Variants in C9orf43 observed in about 807,000 individuals in gnomAD.
The protein encoded by C9orf43 is chromosome 9 open reading frame 43, also known as uncharacterized protein C9orf43.
C9orf43 carries 45 observed loss-of-function variants against 59.1 expected under a neutral mutation model. The observed-to-expected ratio is 0.76, with a 90% CI of 0.60 to 0.98. C9orf43 has a LOEUF of 0.98. Among genes scored for constraint, C9orf43 ranks in the 50% least tolerant of loss-of-function variants. C9orf43 has a pLI of 0.00. For synonymous variants in C9orf43, 203 were observed against 196.8 expected (o/e 1.03, Z -0.26); for missense variants, 533 against 554.9 (o/e 0.96, Z 0.40).
In C9orf43 at chr9:113,422,837, G is replaced by T. The variant is rs112294212; in HGVS notation, c.483+252G>T. Reference sequence around the variant, plus strand: ...AGGAACTGTTGCGTGTTCAGGGGGGGAGTTTTTGGTCAATTAAAAACGAAT... The same window carrying T: ...AGGAACTGTTGCGTGTTCAGGGGGGTAGTTTTTGGTCAATTAAAAACGAAT... On this transcript the variant is annotated intron_variant, in intron 6 of 13. Transcript: ENST00000374165. 0.04 allele frequency among the ~76,000 whole-genome samples: 6,076 copies of T among 152,166 alleles called. 153 individuals carry two copies. The highest frequency in any genetic ancestry group is 0.085 in the South Asian group (410 of 4,804).
At chr9:113,427,332 C>T (rs1017260427) in intron 11 of C9orf43, among the ~76,000 whole-genome samples, 18 of 152,232 alleles carry the variant, frequency 1.2e-4, no homozygotes, top group Admixed American at 3.3e-4. Flanking sequence ...TGCACCACCA[C>T]GCCTGGCTAA....
At chr9:113,425,184 A>G in intron 9 of C9orf43, 108 bp downstream of exon 9, 2 of 1,443,304 alleles carry the variant, frequency 1.4e-6, no homozygotes, top group South Asian at 1.2e-5. Flanking sequence ...ACAGTCATAC[A>G]GGGTCACATG....
chr9:113,420,353 A>G (rs1050771739), intron 4 of C9orf43, among the ~76,000 whole-genome samples: 1 of 152,226 alleles, frequency 6.6e-6, no homozygotes, highest in Non-Finnish European at 1.5e-5. Context: ...TCTGTCTACC[A>G]AAGTGCATGA....
chr9:113,417,009 C>A (rs1177282933), intron 3 of C9orf43, among the ~76,000 whole-genome samples: 1 of 152,196 alleles, frequency 6.6e-6, no homozygotes. Context: ...TTTCCTTACA[C>A]CCTCATTGTC....
At chr9:113,424,831 C>T (rs1397312719) in intron 8 of C9orf43, among the ~76,000 whole-genome samples, 188 bp from the exon 9 acceptor site, 1 of 152,072 alleles carries the variant, frequency 6.6e-6, no homozygotes, top group Non-Finnish European at 1.5e-5. Context: ...TGGCCATGTT[C>T]TCTATTTCTT....
intron 10 of C9orf43, 32 bp downstream of exon 10, chr9:113,425,452 G>T (rs1429283283): frequency 6.3e-7 from 1 of 1,598,380 alleles, no homozygotes; most frequent in African/African-American, 1.3e-5. Flanking sequence ...TGCTGGGACT[G>T]GGAGAGGTCT....
chr9:113,425,483 A>T, intron 10 of C9orf43, 63 bp downstream of exon 10: 4 of 1,557,448 alleles, frequency 2.6e-6, no homozygotes, highest in Admixed American at 1.9e-5. Flanking sequence ...ATGGGAAGGG[A>T]TGTATGAAAG....
rs1468819253 is a variant in C9orf43, at chr9:113,421,138, C to T, written c.381C>T (p.Pro127=). 2 of 1,613,598 alleles carry T rather than the reference C, an allele frequency of 1.2e-6. No individual in the cohort carries two copies. The highest frequency in any genetic ancestry group is 8.5e-7 in the Non-Finnish European group (1 of 1,179,828). ...PVLNLNETQL[P]CPEDVRNMVV... The stretch of plus-strand genomic sequence containing the variant: ...TGAATTTGAATGAGACGCAACTTCC[C>T]TGCCCTGAAGATGTTAGAAATATGG... Residue 127 remains proline, a synonymous_variant, in exon 5 of 14, where the codon CCC becomes CCT. Transcript: ENST00000374165.
At chr9:113,421,321 G>T in intron 5 of C9orf43, 118 bp downstream of exon 5, 1 of 706,354 alleles carries the variant, frequency 1.4e-6, no homozygotes. Flanking sequence ...AGGAGGCCAA[G>T]CAGAGAAGGT....
Position 113,413,559 on chromosome 9 carries a change from A to G in C9orf43, c.66A>G (p.Pro22=), listed in dbSNP as rs1184322123. 6.2e-7 allele frequency: 1 copy of G among 1,614,188 alleles called. No individual in the cohort carries two copies. Among genetic ancestry groups the G allele is most frequent in the South Asian group, 1.1e-5 (1 of 91,090 alleles). ...TTCGLAVCQH[P]QCWATIRRIE... ...GTGGCTTGGCTGTTTGTCAGCACCC[A>G]CAATGCTGGGCAACTATCCGCCGCA... Residue 22 remains proline, a synonymous_variant, in exon 2 of 14, where the codon CCA becomes CCG. Transcript: ENST00000374165.
Position 113,424,286 on chromosome 9 carries a change from G to T in C9orf43, c.777G>T (p.Met259Ile). ...NRPDSVISSK[M>I]FLSIHRLTLE... ...CTGACAGTGTGATTTCTTCTAAGAT[G>T]TTTCTATCTATACACCGCCTCACCC... is the stretch of plus-strand genomic sequence containing the variant. Residue 259 changes from methionine (M) to isoleucine (I), a missense_variant, in exon 8 of 14, where the codon ATG (methionine) becomes ATT (isoleucine). By Grantham distance (10) the Met-to-Ile change is conservative. Transcript: ENST00000374165. 2 of 1,613,714 alleles carry T rather than the reference G, an allele frequency of 1.2e-6. No homozygotes were observed. The highest frequency in any genetic ancestry group is 1.1e-5 in the South Asian group (1 of 91,032).
Position 113,429,324 on chromosome 9 carries a change from C to T in C9orf43, c.1324C>T (p.Leu442Phe). The T allele has an allele frequency of 6.2e-7, 1 of 1,614,194 alleles. No individual in the cohort carries two copies. Among genetic ancestry groups the T allele is most frequent in the African/African-American group, 1.3e-5 (1 of 75,056 alleles). ...AGGCTGGAACTCTGAGCTCAAACTA[C>T]TTAGGATTCTTCAGGACACTGATGA... ...STGWNSELKL[L>F]RILQDTDDED... The change falls in exon 14 of 14, where the codon CTT becomes TTT. Residue 442 changes from leucine (L) to phenylalanine (F), a missense_variant. By Grantham distance (22) the Leu-to-Phe change is conservative. Transcript: ENST00000374165.
intron 3 of C9orf43, among the ~76,000 whole-genome samples, chr9:113,418,065 T>C (rs1828436766): frequency 6.6e-6 from 1 of 152,218 alleles, no homozygotes; most frequent in African/African-American, 2.4e-5. Flanking sequence ...CTGTGGTAAA[T>C]ATATACATAA....
At position 113,421,898 on chromosome 9, in the gene C9orf43, C is replaced by G. The variant is rs546742996; in HGVS notation, c.447-651C>G. On this transcript the variant is annotated intron_variant, in intron 5 of 13. Coordinates refer to ENST00000374165, the MANE Select transcript of C9orf43 (RefSeq NM_001278629.2). ...ACAACCCTAAGGGTTTATTTCCTTT[C>G]GTGTGAAAGAAGCTCAGAAGTAGGC... Among the ~76,000 whole-genome samples the G allele has an allele frequency of 5.3e-5, 8 of 152,046 alleles. No individual in the cohort carries two copies. The South Asian group carries it at 1.7e-3, about 32-fold the overall frequency.
Position 113,419,314 on chromosome 9 carries a change from T to C in C9orf43, c.345+149T>C, listed in dbSNP as rs927796500. 1.6e-4 allele frequency: 98 copies of C among 620,062 alleles called. No homozygotes were observed. In the Middle Eastern group the frequency reaches 2.6e-3, roughly 16 times the overall value. The allele number at this position is 620,062 out of a possible 1,614,324, so 38.4% of individuals were successfully genotyped here. Reference sequence around the variant, plus strand: ...TAACCATCTAATATTGGGCCCTTCCTGTATGCTAGACTCTGTGCTATCTAC... The same window carrying C: ...TAACCATCTAATATTGGGCCCTTCCCGTATGCTAGACTCTGTGCTATCTAC... On this transcript the variant is annotated intron_variant, in intron 4 of 13. Coordinates refer to ENST00000374165, the MANE Select transcript of C9orf43 (RefSeq NM_001278629.2).
intron 4 of C9orf43, chr9:113,420,736 A>G (rs907387944): frequency 1.0e-6 from 1 of 984,926 alleles, no homozygotes; most frequent in African/African-American, 1.7e-5. Flanking sequence ...CCTGCTCCCA[A>G]ACTGCAGATT....
In C9orf43 at chr9:113,428,208, A is replaced by G. The variant is rs757559246; in HGVS notation, c.1092A>G (p.Gly364=). 6.2e-6 allele frequency: 10 copies of G among 1,614,086 alleles called. No individual in the cohort carries two copies. The East Asian group carries it at 2.0e-4, about 32-fold the overall frequency. The part of the protein sequence containing the change: ...DMKQQQQMEK[G]TTSKQDSTER... ...AGCAGCAGCAGCAGATGGAAAAAGGAACCACTTCGAAACAGGTGAGAGTGT... is the reference window on the plus strand; with the variant it reads ...AGCAGCAGCAGCAGATGGAAAAAGGGACCACTTCGAAACAGGTGAGAGTGT... The change falls in exon 12 of 14, where the codon GGA becomes GGG. Residue 364 remains glycine (G), a synonymous_variant. Transcript: ENST00000374165.
chr9:113,425,374 A>AGCAGCT lies in C9orf43; in HGVS notation c.901_902insTGCAGC (p.Gln300_Gln301insLeuGln). 6.2e-7 allele frequency: 1 copy of AGCAGCT among 1,613,760 alleles called. No individual in the cohort carries two copies. The highest frequency in any genetic ancestry group is 1.7e-5 in the Admixed American group (1 of 60,016). On this transcript the variant is annotated inframe_insertion, in exon 10 of 14. Coordinates refer to ENST00000374165, the MANE Select transcript of C9orf43 (RefSeq NM_001278629.2). ...AGGAAACAGCAGCAGCGGCAGCAGC[A>AGCAGCT]GCAGCAGCAGCAACAGAAGAAGGTG...
rs1828672461 is a variant in C9orf43, at chr9:113,423,564, TA to T, written c.656+69del. On this transcript the variant is annotated intron_variant, in intron 7 of 13. Coordinates refer to ENST00000374165, the MANE Select transcript of C9orf43 (RefSeq NM_001278629.2). ...CTTTTTACTGAAGCTGGGATGGGTC[TA>T]AACAGTGTGCTTTTTCTGAGTAGGA... 4.0e-5 allele frequency: 59 copies of T among 1,480,956 alleles called. No individual in the cohort carries two copies. The South Asian group carries it at 6.9e-4, about 17-fold the overall frequency. 91.7% of individuals were successfully genotyped at this position (1,480,956 alleles called of 1,614,324 possible). A position where few individuals can be genotyped will look rare whatever the true frequency, so the allele number is the denominator to read the frequency against.
Sources: allele counts gnomAD v4.1 joint callset (sites outside exome capture counted in the v4.1 genomes callset), GRCh38; gene constraint gnomAD v4.1.1; transcripts MANE v1.5; gene names NCBI Gene and HGNC (gene_info 2026-07-23, HGNC 2026-07-21).